Variants in CORO1B observed in about 807,000 individuals in gnomAD.
The protein encoded by CORO1B is coronin-1B.
In CORO1B, 30 loss-of-function variants were observed where a neutral mutation model predicts 51.1. The ratio of observed to expected loss-of-function variants is 0.59; its 90% CI spans 0.44 to 0.80. The LOEUF (loss-of-function observed/expected upper bound fraction) is 0.80. CORO1B is among the 30% of genes least tolerant of loss of function. The pLI, the probability that CORO1B is intolerant of heterozygous loss-of-function variation, is 0.00. For missense variants in CORO1B, 648 were observed against 700.4 expected (o/e 0.93, Z 0.84); for synonymous variants, 310 against 289.7 (o/e 1.07, Z -0.71).
chr11:67,441,429 G>A lies in CORO1B; in HGVS notation c.540C>T (p.Tyr180=), dbSNP rs2135146227. 6.2e-7 allele frequency: 1 copy of A among 1,613,944 alleles called. No homozygotes were observed. The highest frequency in any genetic ancestry group is 1.3e-5 in the African/African-American group (1 of 75,062). The change falls in exon 5 of 11, where the codon TAC becomes TAT. Residue 180 remains tyrosine (Y), a synonymous_variant. Transcript: ENST00000341356. ...TGCCATTGTGGTTCCAGCTGACATT[G>A]TAGATGAGGTCAGGGTGCAGGCTGT... ...RLDSLHPDLI[Y]NVSWNHNGSL...
At position 67,440,358 on chromosome 11, in the gene CORO1B, T is replaced by C. The variant is rs1441359551; in HGVS notation, c.838A>G (p.Ser280Gly). The C allele has an allele frequency of 1.2e-6, 2 of 1,613,756 alleles. 1 individual carries two copies. Among genetic ancestry groups the C allele is most frequent in the South Asian group, 2.2e-5 (2 of 91,080 alleles). ...ALLPFYDPDT[S>G]VVYVCGKGDS... ...ACCTTGCCGCAGACGTAGACCACAC[T>C]GGTGTCGGGGTCGTAGAAGGGCAGC... The change falls in exon 7 of 11, where the codon AGT (serine) becomes GGT (glycine). Residue 280 changes from serine to glycine, a missense_variant. Coordinates refer to ENST00000341356, the MANE Select transcript of CORO1B (RefSeq NM_020441.3).
At position 67,441,985 on chromosome 11, in the gene CORO1B, G is replaced by T; in HGVS notation, c.305C>A (p.Ser102Ter). ...PHNDEVIASG[S>*]EDCTVMVWQI... ...CCTCACCATGACCGTGCAGTCCTCC[G>T]AGCCGCTGGCTATGACTTCGTCGTT... Residue 102 changes from serine (S) to a stop codon, truncating the protein, a stop_gained, in exon 3 of 11, where the codon TCG becomes TAG. Transcript: ENST00000341356. LOFTEE classifies it high-confidence loss of function. 2 of 1,613,208 alleles carry T rather than the reference G, an allele frequency of 1.2e-6. No homozygotes were observed. Among genetic ancestry groups the T allele is most frequent in the Non-Finnish European group, 1.7e-6 (2 of 1,180,010 alleles).
At chr11:67,439,053 C>T in intron 9 of CORO1B, 104 bp from the exon 10 acceptor site, 1 of 1,320,850 alleles carries the variant, frequency 7.6e-7, no homozygotes, top group South Asian at 1.5e-5. Context: ...CCCATTCTCC[C>T]ACGGCCTGGA....
rs199730254 is a variant in CORO1B at position 67,438,768 on chromosome 11, C to T, written c.1247G>A (p.Arg416Gln). 44 of 1,576,188 alleles carry T rather than the reference C, an allele frequency of 2.8e-5. No homozygotes were observed. In the African/African-American group the frequency reaches 5.1e-4, roughly 18 times the overall value. ...ISRRNVLSDS[R>Q]PAMAPGSSHL... ...GGAGGAGCCCGGGGCCATGGCGGGC[C>T]GGCTGTCAGACAACACGTTGCGCCG... Residue 416 changes from arginine to glutamine, a missense_variant, in exon 10 of 11, where the codon CGG (arginine) becomes CAG (glutamine). By Grantham distance (43) the Arg-to-Gln change is conservative. Transcript: ENST00000341356.
At position 67,441,253 on chromosome 11, in the gene CORO1B, G is replaced by T; in HGVS notation, c.637-9C>A. ...TGAGCCTTCTCCCGCTCCTGTCGGG[G>T]GGACAGGCTGGTCAGTGCAGCGCCC... On this transcript the variant is annotated splice_polypyrimidine_tract_variant and intron_variant, in intron 5 of 10. Transcript: ENST00000341356. The T allele has an allele frequency of 6.2e-7, 1 of 1,612,948 alleles. No homozygotes were observed. Among genetic ancestry groups the T allele is most frequent in the East Asian group, 2.2e-5 (1 of 44,878 alleles).
chr11:67,443,624 C>G, upstream of CORO1B: 1 of 742,054 alleles, frequency 1.3e-6, no homozygotes, highest in Non-Finnish European at 1.6e-6. Context: ...GGGACGGGGC[C>G]AGAGAGAGCC....
Position 67,439,795 on chromosome 11 carries a change from C to A in CORO1B, c.1056G>T (p.Val352=). 1 of 1,589,134 alleles carries A rather than the reference C, an allele frequency of 6.3e-7. No homozygotes were observed. The highest frequency in any genetic ancestry group is 8.6e-7 in the Non-Finnish European group (1 of 1,168,312). ...GGACGGGCGGCCTCACCTTTCTTGG[C>A]ACAGTCATGACGATGGGCTCACACT... The part of the protein sequence containing the change: ...ERKCEPIVMT[V]PRKSDLFQDD... Residue 352 remains valine (V), a synonymous_variant, in exon 9 of 11, where the codon GTG becomes GTT. Transcript: ENST00000341356.
rs781080106 is a variant in CORO1B, at chr11:67,436,115, C to T, written c.*2261G>A. 11 of 1,598,492 alleles carry T rather than the reference C, an allele frequency of 6.9e-6. No homozygotes were observed. The highest frequency in any genetic ancestry group is 1.7e-4 in the Middle Eastern group (1 of 6,024). On this transcript the variant is annotated 3_prime_UTR_variant, in exon 11 of 11. Transcript: ENST00000341356. The stretch of plus-strand genomic sequence containing the variant: ...ACCTGGGGGGCTGGCCCAGAGCAGG[C>T]GCCGCGTGCGGCCCCACAGCGCGGC...
At position 67,441,117 on chromosome 11, in the gene CORO1B, CCACT is replaced by C; in HGVS notation, c.756+4_756+7del. 1 of 1,612,916 alleles carries C rather than the reference CCACT, an allele frequency of 6.2e-7. No individual in the cohort carries two copies. Among genetic ancestry groups the C allele is most frequent in the South Asian group, 1.1e-5 (1 of 91,090 alleles). Reference sequence around the variant, plus strand: ...TCTCAAGTTTGCCCCCTCAGGCTGGCCACTCACTGGGTCCCAGAGCGCCAGCTGC... The same window carrying C: ...TCTCAAGTTTGCCCCCTCAGGCTGGCCACTGGGTCCCAGAGCGCCAGCTGC... On this transcript the variant is annotated splice_donor_5th_base_variant and intron_variant, in intron 6 of 10. Coordinates refer to ENST00000341356, the MANE Select transcript of CORO1B (RefSeq NM_020441.3).
rs753102227 is a variant in CORO1B at position 67,441,972 on chromosome 11, C to T, written c.318G>A (p.Thr106=). The part of the protein sequence containing the change: ...EVIASGSEDC[T]VMVWQIPENG... ...AGCCAGTCCTGTGCCTCACCATGACCGTGCAGTCCTCCGAGCCGCTGGCTA... is the reference window on the plus strand; with the variant it reads ...AGCCAGTCCTGTGCCTCACCATGACTGTGCAGTCCTCCGAGCCGCTGGCTA... Residue 106 remains threonine, a synonymous_variant, in exon 3 of 11, where the codon ACG becomes ACA. Transcript: ENST00000341356. 13 of 1,613,018 alleles carry T rather than the reference C, an allele frequency of 8.1e-6. No homozygotes were observed. Among genetic ancestry groups the T allele is most frequent in the Middle Eastern group, 1.6e-4 (1 of 6,084 alleles).
intron 5 of CORO1B, 33 bp from the exon 6 acceptor site, chr11:67,441,277 C>T: frequency 6.2e-7 from 1 of 1,612,724 alleles, no homozygotes; most frequent in Non-Finnish European, 8.5e-7. Context: ...AGTGCAGCGC[C>T]CTGCTCAAGG....
rs867259279 is a variant in CORO1B at position 67,436,392 on chromosome 11, G to T, written c.*1984C>A. On this transcript the variant is annotated 3_prime_UTR_variant, in exon 11 of 11. Coordinates refer to ENST00000341356, the MANE Select transcript of CORO1B (RefSeq NM_020441.3). ...GGGGCTCAGAGGGCTCAGCACCTGG[G>T]GTGGGGCCTGGTGTGGGGCAGGCTG... 1 of 1,426,124 alleles carries T rather than the reference G, an allele frequency of 7.0e-7. No homozygotes were observed. The highest frequency in any genetic ancestry group is 9.1e-7 in the Non-Finnish European group (1 of 1,093,974). The allele number at this position is 1,426,124 out of a possible 1,614,324, so 88.3% of individuals were successfully genotyped here.
intron 9 of CORO1B, among the ~76,000 whole-genome samples, chr11:67,439,166 G>C (rs1864349508): frequency 6.6e-6 from 1 of 152,218 alleles, no homozygotes; most frequent in Admixed American, 6.5e-5. Context: ...ACCTTCCCCT[G>C]CAAGGCACAG....
intron 2 of CORO1B, 86 bp downstream of exon 2, chr11:67,442,342 G>T (rs1458370980): frequency 2.3e-5 from 32 of 1,418,146 alleles, no homozygotes; most frequent in Non-Finnish European, 3.1e-5. Flanking sequence ...GTGAGAAACG[G>T]CAAGATGAGG....
In CORO1B at chr11:67,441,345, G is replaced by A. The variant is rs34907160; in HGVS notation, c.624C>T (p.Gly208=). The stretch of plus-strand genomic sequence containing the variant: ...CAGAGCCACGTACTGCCACCAGGGT[G>A]CCCCGACGGGGGTCGATGATGCGCA... ...KSVRIIDPRR[G]TLVAEREKAH... is the part of the protein sequence containing the mutation. Residue 208 remains glycine (G), a synonymous_variant, in exon 5 of 11, where the codon GGC becomes GGT. Transcript: ENST00000341356. The A allele has an allele frequency of 4.4e-4, 711 of 1,613,646 alleles. No homozygotes were observed. Among genetic ancestry groups the A allele is most frequent in the African/African-American group, 3.2e-3 (243 of 75,078 alleles).
rs1467528625 is a variant in CORO1B at position 67,436,317 on chromosome 11, G to A, written c.*2059C>T. 4.0e-6 allele frequency: 6 copies of A among 1,513,852 alleles called. No individual in the cohort carries two copies. The highest frequency in any genetic ancestry group is 5.3e-6 in the Non-Finnish European group (6 of 1,133,304). The allele number at this position is 1,513,852 out of a possible 1,614,324, so 93.8% of individuals were successfully genotyped here. A position where few individuals can be genotyped will look rare whatever the true frequency, so the allele number is the denominator to read the frequency against. ...GAGCCCAAGGCCCCTGGCAGGGCCA[G>A]CAGCATCCCGAGCCCTAAGGTGCAG... On this transcript the variant is annotated 3_prime_UTR_variant, in exon 11 of 11. Coordinates refer to ENST00000341356, the MANE Select transcript of CORO1B (RefSeq NM_020441.3).
rs769820455 is a variant in CORO1B at position 67,440,198 on chromosome 11, C to T, written c.927G>A (p.Thr309=). 1.1e-5 allele frequency: 18 copies of T among 1,613,768 alleles called. No homozygotes were observed. The African/African-American group carries it at 1.2e-4, about 11-fold the overall frequency. The change falls in exon 8 of 11, where the codon ACG becomes ACA. Residue 309 remains threonine (T), a synonymous_variant. Coordinates refer to ENST00000341356, the MANE Select transcript of CORO1B (RefSeq NM_020441.3). ...EEPPYIHFLN[T]FTSKEPQRGM... ...CCCGCTGCGGCTCCTTGCTGGTGAA[C>T]GTGTTCAGGAAGTGGATGTAGGGAG...
At chr11:67,443,762 G>A, upstream of CORO1B, 5 of 985,280 alleles carry the variant, frequency 5.1e-6, no homozygotes, top group Non-Finnish European at 6.0e-6. Context: ...CAGCGGACCC[G>A]AGGCCCCTTC....
At position 67,440,163 on chromosome 11, in the gene CORO1B, C is replaced by T. The variant is rs1033097700; in HGVS notation, c.962G>A (p.Ser321Asn). ...GACCTCCAGGCCCCGCTTGGGCATG[C>T]TGCCCATACCCCGCTGCGGCTCCTT... ...TSKEPQRGMG[S>N]MPKRGLEVSK... is the part of the protein sequence containing the mutation. Residue 321 changes from serine (S) to asparagine (N), a missense_variant, in exon 8 of 11, where the codon AGC becomes AAC. Coordinates refer to ENST00000341356, the MANE Select transcript of CORO1B (RefSeq NM_020441.3). 3 of 1,613,662 alleles carry T rather than the reference C, an allele frequency of 1.9e-6. No individual in the cohort carries two copies. Among genetic ancestry groups the T allele is most frequent in the African/African-American group, 1.3e-5 (1 of 74,948 alleles).
Sources: gnomAD v4.1 joint callset for allele counts (sites outside exome capture counted in the v4.1 genomes callset) on GRCh38, gnomAD v4.1.1 for gene constraint, MANE v1.5 for transcripts, NCBI Gene and HGNC (gene_info 2026-07-23, HGNC 2026-07-21) for gene names.